The following EXOSC8 variants were observed in gnomAD, a reference collection of about 807,000 sequenced individuals.
EXOSC8 encodes the protein exosome component 8.
In EXOSC8, 37 loss-of-function variants were observed where a neutral mutation model predicts 39.9. That is an observed-to-expected ratio of 0.93 (90% CI 0.71 to 1.22). The LOEUF (loss-of-function observed/expected upper bound fraction) is 1.22, where lower values mean the gene tolerates loss of function less well. Among genes scored for constraint, EXOSC8 ranks in the 50% most tolerant of loss-of-function variants. The pLI is 0.00. For missense variants in EXOSC8, 313 were observed against 326.6 expected (o/e 0.96, Z 0.32); for synonymous variants, 93 against 109.5 (o/e 0.85, Z 0.94).
Position 37,003,008 on chromosome 13 carries a change from G to A in EXOSC8, c.192+1G>A, listed in dbSNP as rs1177588047. On this transcript the variant is annotated splice_donor_variant, in intron 4 of 10. Transcript: ENST00000389704. LOFTEE classifies it high-confidence loss of function. ...TACAGTAATCTGTGGAGTTAAAGCA[G>A]TAAGTCTAAATATGTCCTATTGAGA... 1.3e-6 allele frequency: 2 copies of A among 1,571,126 alleles called. No individual in the cohort carries two copies. The highest frequency in any genetic ancestry group is 3.3e-5 in the Admixed American group (2 of 59,942).
chr13:37,007,540 G>A (rs1408922614), intron 8 of EXOSC8, among the ~76,000 whole-genome samples: 1 of 152,186 alleles, frequency 6.6e-6, no homozygotes, highest in African/African-American at 2.4e-5. Context: ...GATGAATGAT[G>A]AATTGGTAGG....
At position 37,009,597 on chromosome 13, in the gene EXOSC8, CAA is replaced by C. The variant is rs1340786387; in HGVS notation, c.*302_*303del. The C allele has an allele frequency of 3.2e-6, 5 of 1,574,948 alleles. No individual in the cohort carries two copies. Among genetic ancestry groups the C allele is most frequent in the African/African-American group, 2.7e-5 (2 of 73,900 alleles). On this transcript the variant is annotated 3_prime_UTR_variant, in exon 11 of 11. Transcript: ENST00000389704. ...TAAAATACTGACACATTAAAAAAAA[CAA>C]AAAGTAGAAACTCAATTCTTTTGAT...
chr13:37,008,672 A>G, intron 9 of EXOSC8, 57 bp from the exon 10 acceptor site: 4 of 1,094,442 alleles, frequency 3.7e-6, no homozygotes. Context: ...TATGTTTAGT[A>G]TTTTAAAGTA....
chr13:37,007,702 C>T (rs919299569), intron 8 of EXOSC8, among the ~76,000 whole-genome samples: 6 of 151,930 alleles, frequency 3.9e-5, no homozygotes, highest in Admixed American at 6.6e-5. Flanking sequence ...CTGAAGTTTC[C>T]TTATCTATAA....
chr13:37,009,262 TGATG>T lies in EXOSC8; in HGVS notation c.799_802del (p.Asp267LysfsTer2). 3 of 1,611,790 alleles carry T rather than the reference TGATG, an allele frequency of 1.9e-6. No homozygotes were observed. The highest frequency in any genetic ancestry group is 2.5e-6 in the Non-Finnish European group (3 of 1,178,128). On this transcript the variant is annotated frameshift_variant, in exon 11 of 11. Coordinates refer to ENST00000389704, the MANE Select transcript of EXOSC8 (RefSeq NM_181503.3). LOFTEE classifies it high-confidence loss of function. ...ACAAGACACAAAGAAGTTAAAAAAC[TGATG>T]GATGAAGTAATTAAGAGTATGAAAC...
chr13:37,008,373 C>T (rs1385002639), intron 9 of EXOSC8, among the ~76,000 whole-genome samples, 196 bp downstream of exon 9: 3 of 152,172 alleles, frequency 2.0e-5, no homozygotes, highest in Non-Finnish European at 4.4e-5. Context: ...TTTACTTATA[C>T]CTGTGTAATG....
chr13:37,003,029 T>C, intron 4 of EXOSC8, 22 bp downstream of exon 4: 1 of 1,375,064 alleles, frequency 7.3e-7, no homozygotes, highest in Non-Finnish European at 1.0e-6. Context: ...TATGTCCTAT[T>C]GAGATTTGAG....
chr13:37,008,672 A>C, intron 9 of EXOSC8, 57 bp from the exon 10 acceptor site: 1 of 1,094,444 alleles, frequency 9.1e-7, no homozygotes. Flanking sequence ...TATGTTTAGT[A>C]TTTTAAAGTA....
intron 8 of EXOSC8, 23 bp from the exon 9 acceptor site, chr13:37,008,034 T>C: frequency 6.5e-7 from 1 of 1,542,402 alleles, no homozygotes; most frequent in African/African-American, 1.4e-5. Context: ...ACTTACTTAC[T>C]TTACAAATTT....
At chr13:37,002,343 G>C in intron 2 of EXOSC8, 34 bp downstream of exon 2, 1 of 1,541,290 alleles carries the variant, frequency 6.5e-7, no homozygotes, top group Non-Finnish European at 8.9e-7. Flanking sequence ...TATGCGTTTT[G>C]ATAACGAGCT....
At chr13:37,007,666 T>C (rs538089249) in intron 8 of EXOSC8, among the ~76,000 whole-genome samples, 3 of 152,342 alleles carry the variant, frequency 2.0e-5, no homozygotes, top group East Asian at 1.9e-4. Flanking sequence ...CTGGTTAAAG[T>C]AGATTCCTGG....
At position 37,008,723 on chromosome 13, in the gene EXOSC8, T is replaced by G. The variant is rs772642995; in HGVS notation, c.609-6T>G. The G allele has an allele frequency of 1.9e-6, 3 of 1,579,402 alleles. No individual in the cohort carries two copies. In the Admixed American group the frequency reaches 5.1e-5, roughly 27 times the overall value. On this transcript the variant is annotated splice_polypyrimidine_tract_variant and splice_region_variant and intron_variant, in intron 9 of 10. Transcript: ENST00000389704. ...ATTGATAACTTATATTTTTTTCTTT[T>G]TATAGCACTTTGCTTATAGTTGACC...
At chr13:37,001,872 T>A in intron 1 of EXOSC8, 1 of 158,084 alleles carries the variant, frequency 6.3e-6, no homozygotes, top group South Asian at 1.9e-4. Flanking sequence ...TCACTTACAG[T>A]GAAAATAAAG....
At position 37,002,560 on chromosome 13, in the gene EXOSC8, G is replaced by A; in HGVS notation, c.118+9G>A. 6.4e-7 allele frequency: 1 copy of A among 1,572,914 alleles called. No individual in the cohort carries two copies. The highest frequency in any genetic ancestry group is 8.7e-7 in the Non-Finnish European group (1 of 1,153,726). On this transcript the variant is annotated intron_variant, in intron 3 of 10. Coordinates refer to ENST00000389704, the MANE Select transcript of EXOSC8 (RefSeq NM_181503.3). ...CACAACTGTCAACATCGGTAAGGATGTATTTTCCACTTTCAACTGTATGAT... is the reference window on the plus strand; with the variant it reads ...CACAACTGTCAACATCGGTAAGGATATATTTTCCACTTTCAACTGTATGAT...
At chr13:37,007,759 GAATACAATGAA>G (rs2059154879) in intron 8 of EXOSC8, among the ~76,000 whole-genome samples, 2 of 151,796 alleles carry the variant, frequency 1.3e-5, no homozygotes, top group African/African-American at 2.4e-5. Context: ...TTGATTAGGT[GAATACAATGAA>G]AATATGAAAA....
rs538017711 is a variant in EXOSC8, at chr13:37,006,667, A to G, written c.391-308A>G. ...AATTTTAGCTAGGGCTTTCAAAACC[A>G]TCTCCCTTATCTGTAACCTCCCAAT... On this transcript the variant is annotated intron_variant, in intron 7 of 10. Transcript: ENST00000389704. Among the ~76,000 whole-genome samples, 230 of 152,314 alleles carry G rather than the reference A, an allele frequency of 1.5e-3. 1 individual carries two copies. The highest frequency in any genetic ancestry group is 2.5e-3 in the Non-Finnish European group (168 of 68,028).
Position 37,004,415 on chromosome 13 carries a change from T to C in EXOSC8, c.193-101T>C, listed in dbSNP as rs2059125456. The C allele has an allele frequency of 7.1e-5, 56 of 786,458 alleles. No individual in the cohort carries two copies. The South Asian group carries it at 8.5e-4, about 12-fold the overall frequency. 48.7% of individuals were successfully genotyped at this position (786,458 alleles called of 1,614,324 possible). On this transcript the variant is annotated intron_variant, in intron 4 of 10. Transcript: ENST00000389704. ...CCGTAGAGGCCCTGACACAATTCCCTAAGCTGATATTTGATAGAGCCTTCC... is the reference window on the plus strand; with the variant it reads ...CCGTAGAGGCCCTGACACAATTCCCCAAGCTGATATTTGATAGAGCCTTCC...
In EXOSC8 at chr13:37,006,074, T is replaced by G. The variant is rs759542468; in HGVS notation, c.345-41T>G. 12 of 1,589,862 alleles carry G rather than the reference T, an allele frequency of 7.5e-6. No homozygotes were observed. The South Asian group carries it at 1.3e-4, about 18-fold the overall frequency. On this transcript the variant is annotated intron_variant, in intron 6 of 10. Transcript: ENST00000389704. ...TATTACAATTCATTTTCAGATAGTT[T>G]TGGGCTTTTCATTTACTTTGCTCTT...
intron 2 of EXOSC8, 86 bp downstream of exon 2, chr13:37,002,395 T>G (rs772506583): frequency 1.3e-5 from 18 of 1,388,236 alleles, no homozygotes; most frequent in Non-Finnish European, 1.8e-5. Flanking sequence ...TTAATCCATT[T>G]GAAGTAACAT....
Sources: allele counts gnomAD v4.1 joint callset (sites outside exome capture counted in the v4.1 genomes callset), GRCh38; gene constraint gnomAD v4.1.1; transcripts MANE v1.5; gene names NCBI Gene and HGNC (gene_info 2026-07-23, HGNC 2026-07-21).